CSMD1: variants seen among roughly 807,000 people sequenced by gnomAD.
CSMD1 encodes the protein CUB and Sushi multiple domains 1, also known as CUB and sushi domain-containing protein 1.
Under a neutral mutation model 417.5 loss-of-function variants are expected in CSMD1, and 213 were observed. The ratio of observed to expected loss-of-function variants is 0.51; its 90% CI spans 0.46 to 0.57. The LOEUF is 0.57. Among genes scored for constraint, CSMD1 ranks in the 20% least tolerant of loss-of-function variants. The probability of loss-of-function intolerance (pLI) is 0.00; values close to 1 mark genes in which losing one functional copy is unlikely to be tolerated. For synonymous variants in CSMD1, 2,862 were observed against 1,736.8 expected (o/e 1.65, Z -16.11); for missense variants, 6,923 against 4,529.7 (o/e 1.53, Z -15.17).
intron 1 of CSMD1, among the ~76,000 whole-genome samples, chr8:4,696,622 C>A (rs1038317242): frequency 6.6e-6 from 1 of 152,138 alleles, no homozygotes; most frequent in African/African-American, 2.4e-5. Flanking sequence ...ATCCAAACAA[C>A]GTATTTCATA....
At chr8:3,768,584 T>G (rs1798409298) in intron 5 of CSMD1, among the ~76,000 whole-genome samples, 1 of 152,204 alleles carries the variant, frequency 6.6e-6, no homozygotes, top group Non-Finnish European at 1.5e-5. Flanking sequence ...GTACTTTAAG[T>G]TCAACACAGA....
chr8:3,786,467 C>T (rs1170491344), intron 5 of CSMD1, among the ~76,000 whole-genome samples: 1 of 152,030 alleles, frequency 6.6e-6, no homozygotes, highest in African/African-American at 2.4e-5. Context: ...TAAGGGGAAG[C>T]AGGAGGAATG....
chr8:3,765,913 C>G (rs951154306), intron 5 of CSMD1, among the ~76,000 whole-genome samples: 1 of 152,204 alleles, frequency 6.6e-6, no homozygotes, highest in East Asian at 1.9e-4. Context: ...TCAAACATGA[C>G]AGACTTGAGA....
chr8:4,652,319 C>T (rs1244785376), intron 1 of CSMD1, among the ~76,000 whole-genome samples: 2 of 152,128 alleles, frequency 1.3e-5, no homozygotes, highest in Non-Finnish European at 2.9e-5. Context: ...TGACATTTCT[C>T]ATTAGTCTAA....
intron 5 of CSMD1, among the ~76,000 whole-genome samples, chr8:3,856,273 C>T (rs140636796): frequency 2.0e-5 from 3 of 152,220 alleles, no homozygotes; most frequent in African/African-American, 7.2e-5. Flanking sequence ...CCATGTAAGA[C>T]ACACCTGCTT....
intron 2 of CSMD1, among the ~76,000 whole-genome samples, chr8:4,462,840 G>A (rs145021180): frequency 2.0e-5 from 3 of 152,122 alleles, no homozygotes; most frequent in African/African-American, 7.2e-5. Context: ...AGACCCAAAT[G>A]TAAGAAGTGC....
At position 3,511,897 on chromosome 8, in the gene CSMD1, A is replaced by C. The variant is rs200622866; in HGVS notation, c.1345-18171T>G. Among the ~76,000 whole-genome samples the C allele has an allele frequency of 3.2e-5, 4 of 124,318 alleles. No individual in the cohort carries two copies. The East Asian group carries it at 8.7e-4, about 27-fold the overall frequency. 81.6% of individuals were successfully genotyped at this position (124,318 alleles called of 152,430 possible). ...GCCACAGAATTTGCGTTTTTGTTAGAAAGTCAAATTAAAAAAAAAAAAACG... is the reference window on the plus strand; with the variant it reads ...GCCACAGAATTTGCGTTTTTGTTAGCAAGTCAAATTAAAAAAAAAAAAACG... On this transcript the variant is annotated intron_variant, in intron 10 of 69. Transcript: ENST00000635120.
At chr8:4,114,856 C>T (rs376626079) in intron 3 of CSMD1, among the ~76,000 whole-genome samples, 2 of 152,266 alleles carry the variant, frequency 1.3e-5, no homozygotes, top group Non-Finnish European at 2.9e-5. Flanking sequence ...TGAATTGCTG[C>T]AATCTCATGA....
intron 36 of CSMD1, among the ~76,000 whole-genome samples, chr8:3,182,316 G>C (rs866228023): frequency 6.6e-6 from 1 of 152,122 alleles, no homozygotes; most frequent in Middle Eastern, 3.2e-3. Context: ...GCACAATCTT[G>C]GGATTCTCCT....
At chr8:3,611,035 G>A (rs147377617) in intron 8 of CSMD1, among the ~76,000 whole-genome samples, 3 of 135,448 alleles carry the variant, frequency 2.2e-5, no homozygotes, top group East Asian at 2.3e-4. Context: ...TGAACAATGA[G>A]AACACATGGA....
chr8:4,179,116 C>A (rs927735031), intron 3 of CSMD1, among the ~76,000 whole-genome samples: 5 of 152,142 alleles, frequency 3.3e-5, no homozygotes, highest in African/African-American at 7.2e-5. Flanking sequence ...GCCCGCATCG[C>A]CAAGTCAATC....
chr8:4,413,520 A>G (rs1217650), intron 3 of CSMD1, among the ~76,000 whole-genome samples: 151,747 of 152,262 alleles, frequency 1, 75,618 homozygotes, highest in Middle Eastern at 1. Flanking sequence ...ACTTTTAGAA[A>G]ATGTTAGTGT....
Position 3,696,318 on chromosome 8 carries a change from C to T in CSMD1, c.1009+12096G>A, listed in dbSNP as rs556689536. ...TGCAAAATATGGTGCCTTCCATCTC[C>T]GAAGCACTTCACTAATTACCCAATG... On this transcript the variant is annotated intron_variant, in intron 7 of 69. Transcript: ENST00000635120. Among the ~76,000 whole-genome samples the T allele has an allele frequency of 5.3e-5, 8 of 152,242 alleles. 1 individual carries two copies. The East Asian group carries it at 7.7e-4, about 15-fold the overall frequency.
intron 25 of CSMD1, among the ~76,000 whole-genome samples, chr8:3,300,030 A>C (rs1399530799): frequency 2.0e-5 from 3 of 152,206 alleles, no homozygotes; most frequent in African/African-American, 7.2e-5. Flanking sequence ...TGGTAGCATT[A>C]CTTACAACAG....
intron 2 of CSMD1, among the ~76,000 whole-genome samples, chr8:4,539,933 T>A (rs1049198301): frequency 1.3e-5 from 2 of 152,126 alleles, no homozygotes; most frequent in African/African-American, 4.8e-5. Context: ...TCTCTTCCCA[T>A]CTACCCCAGC....
intron 10 of CSMD1, among the ~76,000 whole-genome samples, chr8:3,573,492 G>A (rs780639314): frequency 1.3e-5 from 2 of 152,188 alleles, no homozygotes; most frequent in African/African-American, 2.4e-5. Context: ...AAATTCCTCA[G>A]TGTTTCAGAA....
intron 3 of CSMD1, among the ~76,000 whole-genome samples, chr8:4,415,597 C>G (rs1291070006): frequency 6.6e-6 from 1 of 152,174 alleles, no homozygotes; most frequent in Non-Finnish European, 1.5e-5. Flanking sequence ...TTGTTTCATT[C>G]TCCTTCACTA....
chr8:3,864,101 AT>A (rs1804914926), intron 5 of CSMD1, among the ~76,000 whole-genome samples: 1 of 152,216 alleles, frequency 6.6e-6, no homozygotes, highest in South Asian at 2.1e-4. Flanking sequence ...TTTTCACCTG[AT>A]TTTTAAAGCT....
intron 3 of CSMD1, among the ~76,000 whole-genome samples, chr8:4,074,344 T>A (rs371983882): frequency 6.6e-6 from 1 of 152,140 alleles, no homozygotes; most frequent in Non-Finnish European, 1.5e-5. Context: ...CATCTGAATG[T>A]AAAATGTAGT....
Sources: allele counts gnomAD v4.1 joint callset (sites outside exome capture counted in the v4.1 genomes callset), GRCh38; gene constraint gnomAD v4.1.1; transcripts MANE v1.5; gene names NCBI Gene and HGNC (gene_info 2026-07-23, HGNC 2026-07-21).